Variants in BRINP2 observed in about 807,000 individuals in gnomAD.
The protein encoded by BRINP2 is BMP/retinoic acid-inducible neural-specific protein 2.
In BRINP2, 21 loss-of-function variants were observed where a neutral mutation model predicts 69.2. That is an observed-to-expected ratio of 0.30 (90% CI 0.22 to 0.44). The LOEUF (loss-of-function observed/expected upper bound fraction) is 0.44, where lower values mean the gene tolerates loss of function less well. BRINP2 is among the 20% of genes least tolerant of loss of function. The pLI is 1.00. For missense variants in BRINP2, 877 were observed against 986.0 expected, an observed-to-expected ratio of 0.89 and a Z score of 1.48; for synonymous variants, 380 against 394.1, an observed-to-expected ratio of 0.96 and a Z score of 0.42.
intron 2 of BRINP2, among the ~76,000 whole-genome samples, chr1:177,253,377 C>T (rs1650643895): frequency 6.6e-6 from 1 of 151,772 alleles, no homozygotes; most frequent in South Asian, 2.1e-4. Context: ...AGTCTTCTGA[C>T]CATTAAAAAA....
chr1:177,255,948 T>C lies in BRINP2; in HGVS notation c.299T>C (p.Leu100Ser). 1 of 1,614,210 alleles carries C rather than the reference T, an allele frequency of 6.2e-7. No individual in the cohort carries two copies. Among genetic ancestry groups the C allele is most frequent in the East Asian group, 2.2e-5 (1 of 44,884 alleles). Reference sequence around the variant, plus strand: ...TTTGCCCGTTGGAAGGTGAACAACTTGGCTCTGGAAAGGAAGGACTTCTTC... The same window carrying C: ...TTTGCCCGTTGGAAGGTGAACAACTCGGCTCTGGAAAGGAAGGACTTCTTC... ...REFARWKVNNLALERKDFFSL... is the reference protein window; with the variant it reads ...REFARWKVNNSALERKDFFSL... Residue 100 changes from leucine to serine, a missense_variant, in exon 3 of 8, where the codon TTG becomes TCG. This residue lies in a region of BRINP2 where 566 missense variants were observed against 625.2 expected (regional missense o/e 0.91). Coordinates refer to ENST00000361539, the MANE Select transcript of BRINP2 (RefSeq NM_021165.4).
intron 4 of BRINP2, among the ~76,000 whole-genome samples, chr1:177,258,172 A>G (rs1650832411): frequency 6.6e-6 from 1 of 152,224 alleles, no homozygotes; most frequent in African/African-American, 2.4e-5. Context: ...TTCTCTACTT[A>G]CACCTAAGAG....
chr1:177,248,707 G>A (rs76667783), intron 2 of BRINP2, among the ~76,000 whole-genome samples: 1 of 152,228 alleles, frequency 6.6e-6, no homozygotes, highest in Middle Eastern at 3.4e-3. Flanking sequence ...CTTCAGGCAC[G>A]AGACCCTGCA....
At chr1:177,265,997 G>A (rs755598462) in intron 4 of BRINP2, among the ~76,000 whole-genome samples, 3 of 151,854 alleles carry the variant, frequency 2.0e-5, no homozygotes, top group Non-Finnish European at 4.4e-5. Context: ...GCAGGCGCCT[G>A]TAGTCCCAGC....
chr1:177,281,638 C>T lies in BRINP2; in HGVS notation c.*110C>T. The T allele has an allele frequency of 1.4e-6, 2 of 1,408,438 alleles. No individual in the cohort carries two copies. The highest frequency in any genetic ancestry group is 1.9e-6 in the Non-Finnish European group (2 of 1,051,760). 87.2% of individuals were successfully genotyped at this position (1,408,438 alleles called of 1,614,324 possible). On this transcript the variant is annotated 3_prime_UTR_variant, in exon 8 of 8. Transcript: ENST00000361539. ...ACAGGGTGTGCTCCCACGAGACTTTCAGCATCCAGTAGATGGGACCTCGAG... is the reference window on the plus strand; with the variant it reads ...ACAGGGTGTGCTCCCACGAGACTTTTAGCATCCAGTAGATGGGACCTCGAG...
rs538997499 is a variant in BRINP2, at chr1:177,251,171, G to A, written c.270-4748G>A. Among the ~76,000 whole-genome samples the A allele has an allele frequency of 2.6e-5, 4 of 152,210 alleles. No individual in the cohort carries two copies. In the South Asian group the frequency reaches 8.3e-4, roughly 32 times the overall value. ...GGCCTTTATCTGTGATTCCTCCCATGTACTCTCTGTATGGACTTGGCTTTT... is the reference window on the plus strand; with the variant it reads ...GGCCTTTATCTGTGATTCCTCCCATATACTCTCTGTATGGACTTGGCTTTT... On this transcript the variant is annotated intron_variant, in intron 2 of 7. Coordinates refer to ENST00000361539, the MANE Select transcript of BRINP2 (RefSeq NM_021165.4).
At chr1:177,187,359 C>A (rs907905854) in intron 1 of BRINP2, among the ~76,000 whole-genome samples, 1 of 152,214 alleles carries the variant, frequency 6.6e-6, no homozygotes, top group African/African-American at 2.4e-5. Context: ...TGGTCTTCAT[C>A]CTTGGCTACT....
At chr1:177,203,726 G>C (rs1648989085) in intron 1 of BRINP2, among the ~76,000 whole-genome samples, 1 of 152,102 alleles carries the variant, frequency 6.6e-6, no homozygotes, top group Non-Finnish European at 1.5e-5. Context: ...TATAAAAGAT[G>C]CTAGGGATAA....
intron 1 of BRINP2, among the ~76,000 whole-genome samples, chr1:177,219,857 C>A (rs2102317326): frequency 1.3e-5 from 2 of 152,330 alleles, no homozygotes; most frequent in Middle Eastern, 6.8e-3. Context: ...GGGCCTTAAA[C>A]CACCCTATGT....
intron 2 of BRINP2, among the ~76,000 whole-genome samples, chr1:177,239,647 T>G (rs910759224): frequency 6.6e-6 from 1 of 152,214 alleles, no homozygotes; most frequent in South Asian, 2.1e-4. Flanking sequence ...TGGTCTACTT[T>G]GTAAATTTGA....
At chr1:177,259,279 T>G (rs1185718733) in intron 4 of BRINP2, among the ~76,000 whole-genome samples, 2 of 152,092 alleles carry the variant, frequency 1.3e-5, no homozygotes, top group African/African-American at 4.8e-5. Flanking sequence ...AGGCCCTGAC[T>G]CTGGTTAATT....
At chr1:177,178,626 T>C (rs1648155610) in intron 1 of BRINP2, among the ~76,000 whole-genome samples, 1 of 152,152 alleles carries the variant, frequency 6.6e-6, no homozygotes, top group Non-Finnish European at 1.5e-5. Context: ...CACATCTTGT[T>C]CAAATTCTGT....
At position 177,276,787 on chromosome 1, in the gene BRINP2, A is replaced by T. The variant is rs1651509799; in HGVS notation, c.1012+353A>T. 2.6e-5 allele frequency among the ~76,000 whole-genome samples: 4 copies of T among 152,364 alleles called. No individual in the cohort carries two copies. In the South Asian group the frequency reaches 8.3e-4, roughly 32 times the overall value. ...TTCGCTATAAATATCTGTTGAATCA[A>T]TGAAGTGCATAGAATGGTTCTAGAT... is the stretch of plus-strand genomic sequence containing the variant. On this transcript the variant is annotated intron_variant, in intron 6 of 7. Coordinates refer to ENST00000361539, the MANE Select transcript of BRINP2 (RefSeq NM_021165.4).
At position 177,282,298 on chromosome 1, in the gene BRINP2, G is replaced by A. The variant is rs1383184625; in HGVS notation, c.*770G>A. On this transcript the variant is annotated 3_prime_UTR_variant, in exon 8 of 8. Coordinates refer to ENST00000361539, the MANE Select transcript of BRINP2 (RefSeq NM_021165.4). ...CAAGTTAGAGAGAGACAATGTGTAG[G>A]AAATGTTCTTTTTTAAAAAAAAATA... 2 of 151,996 alleles carry A rather than the reference G, an allele frequency of 1.3e-5. No individual in the cohort carries two copies. The highest frequency in any genetic ancestry group is 2.9e-5 in the Non-Finnish European group (2 of 68,004). 9.4% of individuals were successfully genotyped at this position (151,996 alleles called of 1,614,324 possible).
At chr1:177,270,551 G>GGGGGGAAA (rs1341029366) in intron 4 of BRINP2, among the ~76,000 whole-genome samples, 13 of 151,954 alleles carry the variant, frequency 8.6e-5, no homozygotes, top group African/African-American at 3.1e-4. Flanking sequence ...AGGGAGAAGT[G>GGGGGGAAA]GGGGGAAAGG....
At chr1:177,223,070 T>C (rs886526585) in intron 1 of BRINP2, among the ~76,000 whole-genome samples, 2 of 152,164 alleles carry the variant, frequency 1.3e-5, no homozygotes, top group African/African-American at 2.4e-5. Context: ...GAAGGGAGGC[T>C]CCGGAGTAGA....
At chr1:177,226,358 G>A (rs549916386) in intron 1 of BRINP2, among the ~76,000 whole-genome samples, 1 of 152,246 alleles carries the variant, frequency 6.6e-6, no homozygotes, top group East Asian at 1.9e-4. Flanking sequence ...AGGCAGGCAG[G>A]GTGTGATGTG....
At chr1:177,238,073 C>A (rs573371694) in intron 2 of BRINP2, among the ~76,000 whole-genome samples, 2 of 152,232 alleles carry the variant, frequency 1.3e-5, no homozygotes, top group South Asian at 4.1e-4. Context: ...CCATGTTTAT[C>A]CAGGATTTGT....
At chr1:177,182,109 C>A (rs1648275421) in intron 1 of BRINP2, among the ~76,000 whole-genome samples, 1 of 147,754 alleles carries the variant, frequency 6.8e-6, no homozygotes, top group Non-Finnish European at 1.5e-5. Context: ...GGTGCCGTCC[C>A]TCCCTCCCTG....
Sources: allele counts gnomAD v4.1 joint callset (sites outside exome capture counted in the v4.1 genomes callset), GRCh38; gene constraint gnomAD v4.1.1; regional missense constraint gnomAD v4.1.1; transcripts MANE v1.5; gene names NCBI Gene and HGNC (gene_info 2026-07-23, HGNC 2026-07-21).